Variants in ABCA13 observed in about 807,000 individuals in gnomAD.
ABCA13 encodes the protein ATP-binding cassette sub-family A member 13.
Under a neutral mutation model 478.7 loss-of-function variants are expected in ABCA13, and 476 were observed. The ratio of observed to expected loss-of-function variants is 0.99; its 90% CI spans 0.92 to 1.07. The LOEUF (loss-of-function observed/expected upper bound fraction) is 1.07, where lower values mean the gene tolerates loss of function less well. Among genes scored for constraint, ABCA13 ranks in the 50% least tolerant of loss-of-function variants. The pLI, the probability that ABCA13 is intolerant of heterozygous loss-of-function variation, is 0.00. For synonymous variants in ABCA13, 2,252 were observed against 2,158.9 expected (o/e 1.04, Z -1.20); for missense variants, 6,060 against 5,910.6 (o/e 1.03, Z -0.83).
intron 43 of ABCA13, among the ~76,000 whole-genome samples, 194 bp from the exon 44 acceptor site, chr7:48,466,762 A>C (rs570826334): frequency 2.0e-4 from 31 of 152,312 alleles, no homozygotes; most frequent in Non-Finnish European, 4.1e-4. Context: ...ACTTGTAATA[A>C]ATTTTCCAAT....
chr7:48,249,129 G>C, intron 14 of ABCA13, 83 bp from the exon 15 acceptor site: 1 of 1,302,400 alleles, frequency 7.7e-7, no homozygotes, highest in South Asian at 1.5e-5. Context: ...GCATATATTT[G>C]TTTTTAGAAA....
intron 1 of ABCA13, among the ~76,000 whole-genome samples, chr7:48,190,979 G>T (rs1268321329): frequency 6.6e-6 from 1 of 151,912 alleles, no homozygotes; most frequent in Non-Finnish European, 1.5e-5. Flanking sequence ...AATAGCTATT[G>T]TATGTTATTA....
intron 37 of ABCA13, among the ~76,000 whole-genome samples, chr7:48,390,919 C>T (rs78542004): frequency 0.038 from 5,719 of 152,248 alleles, 170 homozygotes; most frequent in East Asian, 0.15. Flanking sequence ...AGCTTTGTGT[C>T]GGCACACATT....
At chr7:48,203,154 G>C (rs1446072041) in intron 3 of ABCA13, among the ~76,000 whole-genome samples, 2 of 152,218 alleles carry the variant, frequency 1.3e-5, no homozygotes, top group Admixed American at 1.3e-4. Context: ...CGCTGGCCCG[G>C]GTGCTAAGTC....
chr7:48,385,614 A>C lies in ABCA13; in HGVS notation c.11336-2208A>C, dbSNP rs1339496700. Among the ~76,000 whole-genome samples, 4 of 152,182 alleles carry C rather than the reference A, an allele frequency of 2.6e-5. No homozygotes were observed. In the East Asian group the frequency reaches 7.7e-4, roughly 29 times the overall value. ...TTTGCTATTATGAATAGTGCCACAA[A>C]GAACATACATGGGCATGTGTCTTTA... On this transcript the variant is annotated intron_variant, in intron 35 of 61. Transcript: ENST00000435803.
At chr7:48,371,020 A>G (rs1812549200) in intron 32 of ABCA13, among the ~76,000 whole-genome samples, 2 of 152,146 alleles carry the variant, frequency 1.3e-5, no homozygotes, top group South Asian at 2.1e-4. Flanking sequence ...TCCTGGTACC[A>G]TTTATTAAAT....
chr7:48,369,153 A>G (rs1206677713), intron 32 of ABCA13, among the ~76,000 whole-genome samples: 1 of 152,146 alleles, frequency 6.6e-6, no homozygotes, highest in Non-Finnish European at 1.5e-5. Flanking sequence ...CCTGATAATT[A>G]GTGACGATGA....
chr7:48,387,902 A>G lies in ABCA13; in HGVS notation c.11416A>G (p.Arg3806Gly). The stretch of plus-strand genomic sequence containing the variant: ...GAGTGTGGGTTTCTTGGTGGAGAAA[A>G]GGCAATACTTTCTAAGTTCTAGTCT... ...WKSVGFLVEK[R>G]QYFLSSSLFF... is the part of the protein sequence containing the mutation. The change falls in exon 36 of 62, where the codon AGG becomes GGG. Residue 3806 changes from arginine to glycine, a missense_variant. Physicochemically the swap from Arg to Gly is moderately radical, Grantham distance 125 (BLOSUM62 -2). Transcript: ENST00000435803. The G allele has an allele frequency of 6.2e-7, 1 of 1,613,174 alleles. No homozygotes were observed. The highest frequency in any genetic ancestry group is 8.5e-7 in the Non-Finnish European group (1 of 1,179,558).
chr7:48,338,981 C>CCACCATGCAGTGCAGAGAAGAAGAT (rs1806695896), intron 29 of ABCA13, among the ~76,000 whole-genome samples: 1 of 152,164 alleles, frequency 6.6e-6, no homozygotes, highest in South Asian at 2.1e-4. Context: ...TATTCCTGTT[C>CCACCATGCAGTGCAGAGAAGAAGAT]CACCATGCAG....
chr7:48,354,453 G>T (rs571094559), intron 31 of ABCA13, among the ~76,000 whole-genome samples: 249 of 152,142 alleles, frequency 1.6e-3, no homozygotes, highest in Non-Finnish European at 2.9e-3. Flanking sequence ...ATAGTGTATG[G>T]CTAACAGACA....
intron 41 of ABCA13, among the ~76,000 whole-genome samples, chr7:48,418,023 A>G (rs554919170): frequency 2.0e-5 from 3 of 152,218 alleles, no homozygotes; most frequent in South Asian, 4.1e-4. Flanking sequence ...AGCTTATTTC[A>G]TTGTACCGCT....
chr7:48,358,248 A>T (rs1463375989), intron 31 of ABCA13, among the ~76,000 whole-genome samples: 4 of 2,368 alleles, frequency 1.7e-3, no homozygotes, highest in Admixed American at 8.1e-3. Flanking sequence ...AGGGGAGGGG[A>T]GGGGAGGGGA....
At chr7:48,546,493 A>G (rs944024608) in intron 55 of ABCA13, among the ~76,000 whole-genome samples, 1 of 151,780 alleles carries the variant, frequency 6.6e-6, no homozygotes, top group African/African-American at 2.4e-5. Flanking sequence ...TCCTTCCTGT[A>G]CTTTCCAAAT....
chr7:48,211,235 T>C (rs1785608826), intron 3 of ABCA13, among the ~76,000 whole-genome samples: 1 of 152,192 alleles, frequency 6.6e-6, no homozygotes. Flanking sequence ...TCTGGGCTTG[T>C]TTGTACCCAT....
In ABCA13 at chr7:48,234,079, T is replaced by C; in HGVS notation, c.825T>C (p.Asp275=). The change falls in exon 8 of 62, where the codon GAT becomes GAC. Residue 275 remains aspartate (D), a synonymous_variant. Coordinates refer to ENST00000435803, the MANE Select transcript of ABCA13 (RefSeq NM_152701.5). ...IVWDPQKVQY[D]LKSQFGFDDL... ...GGGATCCACAGAAAGTCCAGTATGA[T>C]CTCAAATCCCAGTTTGGCTTTGATG... 6.2e-7 allele frequency: 1 copy of C among 1,614,028 alleles called. No homozygotes were observed. Among genetic ancestry groups the C allele is most frequent in the East Asian group, 2.2e-5 (1 of 44,884 alleles).
intron 59 of ABCA13, among the ~76,000 whole-genome samples, 183 bp downstream of exon 59, chr7:48,615,560 A>C (rs1482855291): frequency 6.6e-6 from 1 of 151,676 alleles, no homozygotes; most frequent in East Asian, 1.9e-4. Context: ...AGCAACTCCC[A>C]AACACAGTCT....
chr7:48,278,691 T>C lies in ABCA13; in HGVS notation c.7497T>C (p.Ser2499=). The C allele has an allele frequency of 6.2e-7, 1 of 1,613,892 alleles. No individual in the cohort carries two copies. Among genetic ancestry groups the C allele is most frequent in the Non-Finnish European group, 8.5e-7 (1 of 1,179,760 alleles). The change falls in exon 18 of 62, where the codon TCT becomes TCC. Residue 2499 remains serine (S), a synonymous_variant. Coordinates refer to ENST00000435803, the MANE Select transcript of ABCA13 (RefSeq NM_152701.5). ...TCCTGAAACCCCTCTTAGAAATGTC[T>C]GGGACTCTGGTCATGCTGTTGAATG... is the stretch of plus-strand genomic sequence containing the variant. The part of the protein sequence containing the change: ...SHVLKPLLEM[S]GTLVMLLNDS...
rs186295051 is a variant in ABCA13, at chr7:48,641,118, A to G, written c.14838-2170A>G. Among the ~76,000 whole-genome samples, 297 of 152,288 alleles carry G rather than the reference A, an allele frequency of 2.0e-3. 3 individuals carry two copies. The highest frequency in any genetic ancestry group is 2.0e-3 in the Non-Finnish European group (139 of 68,012). On this transcript the variant is annotated intron_variant, in intron 59 of 61. Coordinates refer to ENST00000435803, the MANE Select transcript of ABCA13 (RefSeq NM_152701.5). ...TATGTGCTTATAGAGAATTTATTAG[A>G]TAATTACTGGAATTTAGCATGAATT...
intron 58 of ABCA13, among the ~76,000 whole-genome samples, chr7:48,609,222 A>T (rs888387925): frequency 6.6e-6 from 1 of 152,142 alleles, no homozygotes; most frequent in Non-Finnish European, 1.5e-5. Context: ...TTTATTTCTC[A>T]TATAATTATT....
Sources: allele counts gnomAD v4.1 joint callset (sites outside exome capture counted in the v4.1 genomes callset), GRCh38; gene constraint gnomAD v4.1.1; transcripts MANE v1.5; gene names NCBI Gene and HGNC (gene_info 2026-07-23, HGNC 2026-07-21).